UNC80: variants seen among roughly 807,000 people sequenced by gnomAD.
UNC80 encodes the protein protein unc-80 homolog.
UNC80 carries 164 observed loss-of-function variants against 384.6 expected under a neutral mutation model. The ratio of observed to expected loss-of-function variants is 0.43; its 90% CI spans 0.38 to 0.49. The LOEUF is 0.49. Among genes scored for constraint, UNC80 ranks in the 20% least tolerant of loss-of-function variants. UNC80 has a pLI of 0.00. For missense variants in UNC80, 3,330 were observed against 4,143.0 expected (o/e 0.80, Z 5.39); for synonymous variants, 1,486 against 1,527.8 (o/e 0.97, Z 0.64).
chr2:209,998,348 T>C lies in UNC80; in HGVS notation c.*2753T>C, dbSNP rs1286488722. On this transcript the variant is annotated 3_prime_UTR_variant, in exon 65 of 65. Transcript: ENST00000673920. ...CTTTCTAGAATTCTATTAGATAAGC[T>C]ATGTCATTTTTCTGAAAAAGAAACT... 6.6e-6 allele frequency: 1 copy of C among 152,238 alleles called. No homozygotes were observed. The highest frequency in any genetic ancestry group is 2.4e-5 in the African/African-American group (1 of 41,466). The allele number at this position is 152,238 out of a possible 1,614,324, so 9.4% of individuals were successfully genotyped here.
At chr2:209,838,063 G>A (rs1019493494) in intron 18 of UNC80, among the ~76,000 whole-genome samples, 2 of 152,000 alleles carry the variant, frequency 1.3e-5, no homozygotes, top group African/African-American at 2.4e-5. Context: ...GAGCCACTGC[G>A]CCCGGCCTTG....
intron 58 of UNC80, among the ~76,000 whole-genome samples, chr2:209,977,888 G>A (rs928002982): frequency 2.0e-5 from 3 of 152,108 alleles, no homozygotes; most frequent in South Asian, 2.1e-4. Flanking sequence ...TTTCTTTTTT[G>A]TGGGAGGGAA....
At chr2:209,930,738 G>T (rs1177733720) in intron 37 of UNC80, among the ~76,000 whole-genome samples, 1 of 152,072 alleles carries the variant, frequency 6.6e-6, no homozygotes, top group African/African-American at 2.4e-5. Context: ...GTCGTTTACT[G>T]CTCAGTGATT....
intron 47 of UNC80, among the ~76,000 whole-genome samples, chr2:209,953,185 AG>A (rs1392066987): frequency 2.6e-5 from 4 of 152,110 alleles, no homozygotes; most frequent in Non-Finnish European, 4.4e-5. Context: ...TGGGAGGCTG[AG>A]GCGGGAAGAT....
In UNC80 at chr2:209,973,405, TAG is replaced by T. The variant is rs1405747964; in HGVS notation, c.8587+141_8587+142del. The T allele has an allele frequency of 3.5e-6, 3 of 850,254 alleles. No homozygotes were observed. In the African/African-American group the frequency reaches 5.1e-5, roughly 15 times the overall value. 52.7% of individuals were successfully genotyped at this position (850,254 alleles called of 1,614,324 possible). A position where few individuals can be genotyped will look rare whatever the true frequency, so the allele number is the denominator to read the frequency against. On this transcript the variant is annotated intron_variant, in intron 56 of 64. Coordinates refer to ENST00000673920, the MANE Select transcript of UNC80 (RefSeq NM_001371986.1). ...GTTCCAACTTAACTCAGAAAGAATTTAGAGAGACCTCAAACCAGAATGTATTT... is the reference window on the plus strand; with the variant it reads ...GTTCCAACTTAACTCAGAAAGAATTTAGAGACCTCAAACCAGAATGTATTT...
intron 22 of UNC80, among the ~76,000 whole-genome samples, chr2:209,862,626 A>G (rs903063754): frequency 4.9e-5 from 7 of 144,198 alleles, no homozygotes; most frequent in Non-Finnish European, 7.5e-5. Context: ...CTGTTTTGTC[A>G]GAGACTAGGA....
intron 61 of UNC80, 112 bp downstream of exon 61, chr2:209,985,024 A>G (rs2093255919): frequency 3.3e-6 from 3 of 904,856 alleles, no homozygotes; most frequent in South Asian, 4.0e-5. Context: ...CTTAATATCT[A>G]TTTCCATTCC....
At chr2:209,787,958 C>G (rs1456015271) in intron 5 of UNC80, among the ~76,000 whole-genome samples, 1 of 151,960 alleles carries the variant, frequency 6.6e-6, no homozygotes, top group South Asian at 2.1e-4. Flanking sequence ...TGTTATTGCC[C>G]CTGAAGACCT....
chr2:209,841,011 T>C (rs2081701696), intron 20 of UNC80, among the ~76,000 whole-genome samples: 1 of 152,218 alleles, frequency 6.6e-6, no homozygotes, highest in Admixed American at 6.5e-5. Flanking sequence ...TTTTACATAT[T>C]AAGACACACA....
At chr2:209,878,805 G>A (rs975382125) in intron 24 of UNC80, among the ~76,000 whole-genome samples, 20 of 152,064 alleles carry the variant, frequency 1.3e-4, no homozygotes, top group African/African-American at 4.8e-4. Flanking sequence ...TATGGAATTC[G>A]TATCTTTATA....
intron 25 of UNC80, among the ~76,000 whole-genome samples, chr2:209,884,212 C>T (rs1219186650): frequency 2.0e-5 from 3 of 152,296 alleles, no homozygotes; most frequent in South Asian, 4.1e-4. Context: ...GTTTATAAAA[C>T]TGCTGGTCTA....
intron 54 of UNC80, among the ~76,000 whole-genome samples, chr2:209,971,501 T>G (rs1008990157): frequency 3.4e-5 from 5 of 148,384 alleles, no homozygotes; most frequent in Admixed American, 1.3e-4. Context: ...TCCCGTCTCC[T>G]GAGTATTTCT....
intron 31 of UNC80, among the ~76,000 whole-genome samples, chr2:209,917,497 C>A (rs2089649282): frequency 6.6e-6 from 1 of 152,124 alleles, no homozygotes; most frequent in African/African-American, 2.4e-5. Context: ...TTTTTAATTT[C>A]ATTTGCTTCC....
rs552413153 is a variant in UNC80, at chr2:209,880,379, A to G, written c.3977-582A>G. On this transcript the variant is annotated intron_variant, in intron 24 of 64. Transcript: ENST00000673920. ...TGACAGGCTAGCTTGCACAAACTGT[A>G]TGATATATGTGATCCAGTAAGTATG... 2.3e-4 allele frequency among the ~76,000 whole-genome samples: 35 copies of G among 152,342 alleles called. No homozygotes were observed. The South Asian group carries it at 7.3e-3, about 32-fold the overall frequency.
At chr2:209,951,351 G>T (rs2092176691) in intron 47 of UNC80, 1 of 151,622 alleles carries the variant, frequency 6.6e-6, no homozygotes, top group African/African-American at 2.4e-5. Flanking sequence ...AGGCTGGAGT[G>T]CAGTGGCACC....
Position 209,829,389 on chromosome 2 carries a change from G to A in UNC80, c.2626+10G>A, listed in dbSNP as rs2080787187. Reference sequence around the variant, plus strand: ...GAGCCGGTCACTGACAGTAAGTAAAGCTGCACCCAAGTTCTAGGAGAAGTC... The same window carrying A: ...GAGCCGGTCACTGACAGTAAGTAAAACTGCACCCAAGTTCTAGGAGAAGTC... On this transcript the variant is annotated intron_variant, in intron 15 of 64. Coordinates refer to ENST00000673920, the MANE Select transcript of UNC80 (RefSeq NM_001371986.1). 1 of 1,551,020 alleles carries A rather than the reference G, an allele frequency of 6.4e-7. No homozygotes were observed. Among genetic ancestry groups the A allele is most frequent in the Non-Finnish European group, 8.7e-7 (1 of 1,146,564 alleles).
intron 51 of UNC80, among the ~76,000 whole-genome samples, chr2:209,967,059 C>T (rs536440429): frequency 6.6e-6 from 1 of 152,220 alleles, no homozygotes; most frequent in South Asian, 2.1e-4. Flanking sequence ...CTTTTATATG[C>T]ATATATGTCA....
chr2:209,967,484 C>A lies in UNC80; in HGVS notation c.7853C>A (p.Thr2618Asn). Residue 2618 changes from threonine to asparagine, a missense_variant, in exon 52 of 65, where the codon ACT becomes AAT. Thr to Asn is a moderately conservative substitution (Grantham distance 65, BLOSUM62 0). Coordinates refer to ENST00000673920, the MANE Select transcript of UNC80 (RefSeq NM_001371986.1). ...HSLLKLAPYD[T>N]QTMESRGLRR... is the part of the protein sequence containing the mutation. ...CTTCTGAAGCTGGCACCATATGACA[C>A]TCAGACAATGGAGAGTCGTGGGCTT... 6.4e-7 allele frequency: 1 copy of A among 1,551,526 alleles called. No individual in the cohort carries two copies. The highest frequency in any genetic ancestry group is 8.7e-7 in the Non-Finnish European group (1 of 1,146,976).
chr2:209,814,954 C>A (rs1015803467), intron 8 of UNC80, among the ~76,000 whole-genome samples: 2 of 149,224 alleles, frequency 1.3e-5, no homozygotes, highest in Admixed American at 6.8e-5. Context: ...ATGGAAAAAA[C>A]AAAACAAAAC....
Sources: allele counts gnomAD v4.1 joint callset (sites outside exome capture counted in the v4.1 genomes callset), GRCh38; gene constraint gnomAD v4.1.1; transcripts MANE v1.5; gene names NCBI Gene and HGNC (gene_info 2026-07-23, HGNC 2026-07-21).